The following TNFRSF4 variants were observed in gnomAD, a reference collection of about 807,000 sequenced individuals.
TNFRSF4 encodes the protein tumor necrosis factor receptor superfamily member 4.
TNFRSF4 carries 21 observed loss-of-function variants against 29.5 expected under a neutral mutation model. The ratio of observed to expected loss-of-function variants is 0.71; its 90% CI spans 0.51 to 1.03. TNFRSF4 has a LOEUF of 1.03. TNFRSF4 is among the 50% of genes least tolerant of loss of function. The pLI is 0.00. For synonymous variants in TNFRSF4, 197 were observed against 172.7 expected, an observed-to-expected ratio of 1.14 and a Z score of -1.10; for missense variants, 408 against 387.8, an observed-to-expected ratio of 1.05 and a Z score of -0.44.
In TNFRSF4 at chr1:1,212,078, A is replaced by G; in HGVS notation, c.498T>C (p.Cys166=). 1 of 1,612,328 alleles carries G rather than the reference A, an allele frequency of 6.2e-7. No homozygotes were observed. Among genetic ancestry groups the G allele is most frequent in the Non-Finnish European group, 8.5e-7 (1 of 1,179,616 alleles). ...GCGTGGCTGGGGGGTCCCTGTCCTCACAGATTGCGTCCGAGCTATTGCTGG... is the reference window on the plus strand; with the variant it reads ...GCGTGGCTGGGGGGTCCCTGTCCTCGCAGATTGCGTCCGAGCTATTGCTGG... ...QPASNSSDAI[C]EDRDPPATQP... is the part of the protein sequence containing the mutation. The change falls in exon 5 of 7, where the codon TGT becomes TGC. Residue 166 remains cysteine (C), a synonymous_variant. Transcript: ENST00000379236.
chr1:1,213,831 C>T (rs755063382), intron 1 of TNFRSF4, 46 bp from the exon 2 acceptor site: 21 of 1,546,156 alleles, frequency 1.4e-5, no homozygotes, highest in African/African-American at 1.2e-4. Flanking sequence ...CCCAGGCTTG[C>T]GCCCGTGGAC....
chr1:1,212,528 G>GGCCC, intron 4 of TNFRSF4, 110 bp downstream of exon 4: 4 of 284,608 alleles, frequency 1.4e-5, no homozygotes, highest in East Asian at 8.6e-5. Flanking sequence ...CCCCAAAACT[G>GGCCC]CCCCCACCCC....
At chr1:1,213,362 C>T in intron 2 of TNFRSF4, 1 of 1,531,342 alleles carries the variant, frequency 6.5e-7, no homozygotes, top group South Asian at 1.2e-5. Flanking sequence ...CCGCCTGCGG[C>T]AGGGTCTCCA....
rs771462465 is a variant in TNFRSF4 at position 1,214,093 on chromosome 1, G to C, written c.35C>G (p.Pro12Arg). ...GCCCAGGAGGAGCAGAGCCGCACAC[G>C]GCCCGCGGCCCAGCCGCCGAGCCCC... is the stretch of plus-strand genomic sequence containing the variant. ...CVGARRLGRGPCAALLLLGLG... is the reference protein window; with the variant it reads ...CVGARRLGRGRCAALLLLGLG... The change falls in exon 1 of 7, where the codon CCG becomes CGG. Residue 12 changes from proline (P) to arginine (R), a missense_variant. Transcript: ENST00000379236. The surrounding 1 kb of genome is among the most constrained non-coding windows in gnomAD (Gnocchi z 4.2). 4.4e-5 allele frequency: 70 copies of C among 1,586,918 alleles called. No homozygotes were observed. The Admixed American group carries it at 8.0e-4, about 18-fold the overall frequency.
Position 1,213,800 on chromosome 1 carries a change from G to C in TNFRSF4, c.146-15C>G, listed in dbSNP as rs202012354. 6.3e-7 allele frequency: 1 copy of C among 1,587,662 alleles called. No individual in the cohort carries two copies. Among genetic ancestry groups the C allele is most frequent in the East Asian group, 2.3e-5 (1 of 43,736 alleles). The stretch of plus-strand genomic sequence containing the variant: ...CATCCCGTTGCCTGCAGCAGAGGCC[G>C]GCGTCAGGCAGCGGTCAGGCCCCAG... On this transcript the variant is annotated splice_polypyrimidine_tract_variant and intron_variant, in intron 1 of 6. Transcript: ENST00000379236.
chr1:1,212,810 G>T (rs1472121273), intron 3 of TNFRSF4, 106 bp from the exon 4 acceptor site: 4 of 1,256,284 alleles, frequency 3.2e-6, no homozygotes, highest in Middle Eastern at 2.7e-4. Flanking sequence ...CTGGGTGGTG[G>T]GTTTGGCCTC....
chr1:1,213,618 C>T (rs760609654), intron 2 of TNFRSF4, 45 bp downstream of exon 2: 101 of 1,532,188 alleles, frequency 6.6e-5, no homozygotes, highest in Non-Finnish European at 8.5e-5. Flanking sequence ...GCCAGGCTGC[C>T]GCCCCCTGTG....
Position 1,212,210 on chromosome 1 carries a change from G to A in TNFRSF4, c.438-72C>T, listed in dbSNP as rs1187905550. On this transcript the variant is annotated intron_variant, in intron 4 of 6. Coordinates refer to ENST00000379236, the MANE Select transcript of TNFRSF4 (RefSeq NM_003327.4). ...CCCGGGAGATGCGGTGGGGATAACA[G>A]GGTCCACGCTGGCCAGCCACAGGCA... 6.5e-6 allele frequency: 10 copies of A among 1,537,878 alleles called. No homozygotes were observed. In the Admixed American group the frequency reaches 1.1e-4, roughly 17 times the overall value.
At chr1:1,211,899 A>G (rs187254382) in intron 5 of TNFRSF4, 43 bp downstream of exon 5, 38 of 1,508,108 alleles carry the variant, frequency 2.5e-5, no homozygotes, top group Middle Eastern at 1.8e-4. Flanking sequence ...CCCTTCTCCT[A>G]TTCGGGTTGG....
chr1:1,211,684 C>A lies in TNFRSF4; in HGVS notation c.763+20G>T. 1 of 1,587,810 alleles carries A rather than the reference C, an allele frequency of 6.3e-7. No homozygotes were observed. The highest frequency in any genetic ancestry group is 1.8e-5 in the Admixed American group (1 of 55,748). ...GCCTCACCCGCCAGGAGCAGTGCGG[C>A]AGGGCCATGAGGCACTCACCAGGGG... is the stretch of plus-strand genomic sequence containing the variant. On this transcript the variant is annotated intron_variant, in intron 6 of 6. Coordinates refer to ENST00000379236, the MANE Select transcript of TNFRSF4 (RefSeq NM_003327.4).
intron 2 of TNFRSF4, 87 bp downstream of exon 2, chr1:1,213,576 G>A (rs1338642980): frequency 1.3e-6 from 2 of 1,487,254 alleles, no homozygotes; most frequent in Admixed American, 2.3e-5. Flanking sequence ...TGCGGCTGTG[G>A]GAGCCCCATG....
rs368736683 is a variant in TNFRSF4, at chr1:1,212,066, G to T, written c.510C>A (p.Asp170Glu). Residue 170 changes from aspartate to glutamate, a missense_variant, in exon 5 of 7, where the codon GAC becomes GAA. Asp to Glu is a conservative substitution (Grantham distance 45). Coordinates refer to ENST00000379236, the MANE Select transcript of TNFRSF4 (RefSeq NM_003327.4). ...TCTCCTGGGGCTGCGTGGCTGGGGGGTCCCTGTCCTCACAGATTGCGTCCG... is the reference window on the plus strand; with the variant it reads ...TCTCCTGGGGCTGCGTGGCTGGGGGTTCCCTGTCCTCACAGATTGCGTCCG... ...NSSDAICEDRDPPATQPQETQ... is the reference protein window; with the variant it reads ...NSSDAICEDREPPATQPQETQ... The T allele has an allele frequency of 2.9e-5, 47 of 1,612,348 alleles. No individual in the cohort carries two copies. The East Asian group carries it at 7.6e-4, about 26-fold the overall frequency.
intron 2 of TNFRSF4, 44 bp from the exon 3 acceptor site, chr1:1,213,137 G>A: frequency 6.3e-7 from 1 of 1,574,910 alleles, no homozygotes. Context: ...GGGGGCTGTG[G>A]ACAGGGTCCT....
intron 2 of TNFRSF4, chr1:1,213,352 C>A: frequency 6.5e-7 from 1 of 1,531,566 alleles, no homozygotes; most frequent in East Asian, 2.5e-5. Context: ...GCCGCCAGCC[C>A]CGCCTGCGGC....
chr1:1,212,964 A>G, intron 3 of TNFRSF4, 28 bp downstream of exon 3: 1 of 1,589,106 alleles, frequency 6.3e-7, no homozygotes, highest in South Asian at 1.2e-5. Flanking sequence ...GCACACCCCC[A>G]ACCGCCGGCC....
At chr1:1,213,491 C>T in intron 2 of TNFRSF4, 172 bp downstream of exon 2, 9 of 1,469,180 alleles carry the variant, frequency 6.1e-6, no homozygotes, top group Non-Finnish European at 7.2e-6. Flanking sequence ...AGAGGGGGTG[C>T]CCCTGGGAGA....
chr1:1,213,066 C>T lies in TNFRSF4; in HGVS notation c.296G>A (p.Cys99Tyr). 1 of 1,610,904 alleles carries T rather than the reference C, an allele frequency of 6.2e-7. No homozygotes were observed. The highest frequency in any genetic ancestry group is 8.5e-7 in the Non-Finnish European group (1 of 1,179,340). Residue 99 changes from cysteine to tyrosine, a missense_variant, in exon 3 of 7, where the codon TGC becomes TAC. Physicochemically the swap from Cys to Tyr is radical, Grantham distance 194. Transcript: ENST00000379236. Reference protein sequence around the residue: ...LRSGSERKQLCTATQDTVCRC... With the variant: ...LRSGSERKQLYTATQDTVCRC... ...GCAGACTGTGTCCTGTGTGGCCGTG[C>T]ACAGCTGCTTCCGCTCACTCCCACT...
chr1:1,211,893 TCTC>T, intron 5 of TNFRSF4, 46 bp downstream of exon 5: 1 of 1,507,538 alleles, frequency 6.6e-7, no homozygotes, highest in Non-Finnish European at 8.8e-7. Context: ...GCCCTCCCCT[TCTC>T]CTATTCGGGT....
chr1:1,212,989 C>T lies in TNFRSF4; in HGVS notation c.370+3G>A, dbSNP rs774670634. On this transcript the variant is annotated splice_donor_region_variant and intron_variant, in intron 3 of 6. Coordinates refer to ENST00000379236, the MANE Select transcript of TNFRSF4 (RefSeq NM_003327.4). ...AACCGCCGGCCGCAGCCACCGAGCT[C>T]ACCAACTCCAGGCTTGTAGCTGTCC... 5 of 1,609,520 alleles carry T rather than the reference C, an allele frequency of 3.1e-6. No homozygotes were observed. The Admixed American group carries it at 6.7e-5, about 22-fold the overall frequency.
Sources: allele counts gnomAD v4.1 joint callset, GRCh38; gene constraint gnomAD v4.1.1; non-coding constraint Gnocchi (gnomAD v3.1); transcripts MANE v1.5; gene names NCBI Gene and HGNC (gene_info 2026-07-23, HGNC 2026-07-21).